The following GRID1 variants were observed in gnomAD, a reference collection of about 807,000 sequenced individuals.
The protein encoded by GRID1 is glutamate receptor ionotropic, delta-1.
In GRID1, 28 loss-of-function variants were observed where a neutral mutation model predicts 98.0. The observed-to-expected ratio is 0.29, with a 90% CI of 0.21 to 0.39. GRID1 has a LOEUF of 0.39. Among genes scored for constraint, GRID1 ranks in the 10% least tolerant of loss-of-function variants. The pLI, the probability that GRID1 is intolerant of heterozygous loss-of-function variation, is 1.00. For synonymous variants in GRID1, 553 were observed against 538.5 expected (o/e 1.03, Z -0.37); for missense variants, 1,111 against 1,340.5 (o/e 0.83, Z 2.67).
intron 4 of GRID1, among the ~76,000 whole-genome samples, chr10:85,977,711 G>C (rs1173744661): frequency 1.3e-5 from 2 of 152,100 alleles, no homozygotes. Flanking sequence ...TTACTGCCCT[G>C]GATTAGATCA....
intron 8 of GRID1, among the ~76,000 whole-genome samples, chr10:85,802,715 C>CA (rs36012086): frequency 2.7e-4 from 40 of 149,302 alleles, no homozygotes; most frequent in Admixed American, 6.0e-4. Flanking sequence ...AATAAATATA[C>CA]AAAAAAAAAC....
intron 4 of GRID1, among the ~76,000 whole-genome samples, chr10:86,030,561 G>A (rs1843172671): frequency 6.6e-6 from 1 of 152,206 alleles, no homozygotes; most frequent in Non-Finnish European, 1.5e-5. Flanking sequence ...GGGACCCTTA[G>A]ATCAACCCCA....
At chr10:85,642,906 G>T (rs761845529) in intron 13 of GRID1, among the ~76,000 whole-genome samples, 9 of 152,166 alleles carry the variant, frequency 5.9e-5, no homozygotes, top group South Asian at 2.1e-4. Flanking sequence ...TCATCTCCAG[G>T]TTTATTACCC....
intron 12 of GRID1, among the ~76,000 whole-genome samples, chr10:85,706,692 T>C (rs1001259293): frequency 2.6e-5 from 4 of 152,118 alleles, no homozygotes; most frequent in East Asian, 1.9e-4. Context: ...GGAGGCATCA[T>C]GCTACCTGAC....
At chr10:85,900,336 G>A (rs781615205) in intron 5 of GRID1, among the ~76,000 whole-genome samples, 2 of 152,204 alleles carry the variant, frequency 1.3e-5, no homozygotes, top group East Asian at 3.8e-4. Flanking sequence ...AGAAGGCACA[G>A]ATAATAGGGC....
intron 4 of GRID1, among the ~76,000 whole-genome samples, chr10:86,079,504 G>A (rs1005580173): frequency 6.6e-6 from 1 of 152,154 alleles, no homozygotes; most frequent in Non-Finnish European, 1.5e-5. Flanking sequence ...ACATCCATCA[G>A]ACCAGGAAGT....
chr10:85,882,264 C>T (rs1466220821), intron 5 of GRID1, among the ~76,000 whole-genome samples: 1 of 152,148 alleles, frequency 6.6e-6, no homozygotes, highest in Non-Finnish European at 1.5e-5. Flanking sequence ...CCAGCCATCC[C>T]ATTACTGGAT....
intron 3 of GRID1, among the ~76,000 whole-genome samples, chr10:86,175,291 CACTT>C (rs1481904398): frequency 6.6e-6 from 1 of 150,420 alleles, no homozygotes; most frequent in Non-Finnish European, 1.5e-5. Context: ...CTTTCTCACT[CACTT>C]ACTCCCAAAA....
intron 12 of GRID1, among the ~76,000 whole-genome samples, chr10:85,664,090 C>T (rs1188277682): frequency 6.6e-6 from 1 of 152,130 alleles, no homozygotes; most frequent in Non-Finnish European, 1.5e-5. Flanking sequence ...TGATGTGCAG[C>T]AGAGCATGAC....
intron 5 of GRID1, among the ~76,000 whole-genome samples, chr10:85,908,212 C>T (rs1841488919): frequency 6.6e-6 from 1 of 152,044 alleles, no homozygotes; most frequent in African/African-American, 2.4e-5. Context: ...TACAAGGTAT[C>T]CAGATGGAAA....
rs1190361965 is a variant in GRID1 at position 86,159,620 on chromosome 10, T to C, written c.521-20596A>G. On this transcript the variant is annotated intron_variant, in intron 3 of 15. Transcript: ENST00000327946. The stretch of plus-strand genomic sequence containing the variant: ...TCTCATTAAGCAATGCACAACTATA[T>C]TTCTGTTAGAGCTGGGCCAGAGCCT... 3.3e-5 allele frequency among the ~76,000 whole-genome samples: 5 copies of C among 152,216 alleles called. No individual in the cohort carries two copies. The East Asian group carries it at 5.8e-4, about 18-fold the overall frequency.
intron 4 of GRID1, among the ~76,000 whole-genome samples, chr10:86,089,060 C>A (rs766347805): frequency 6.6e-6 from 1 of 152,138 alleles, no homozygotes; most frequent in Non-Finnish European, 1.5e-5. Flanking sequence ...CAGCAAAGCC[C>A]GAGTGCAGAT....
intron 11 of GRID1, among the ~76,000 whole-genome samples, chr10:85,724,052 A>G (rs899312179): frequency 6.6e-6 from 1 of 152,206 alleles, no homozygotes; most frequent in African/African-American, 2.4e-5. Context: ...TGACAACCTC[A>G]TGTGCATAGC....
Position 85,769,365 on chromosome 10 carries a change from C to T in GRID1, c.1234-39751G>A, listed in dbSNP as rs570871175. 3.3e-5 allele frequency among the ~76,000 whole-genome samples: 5 copies of T among 152,320 alleles called. No individual in the cohort carries two copies. The South Asian group carries it at 6.2e-4, about 19-fold the overall frequency. ...TGGAGCCAAGATGGCTGAATAGGAACAGCTCCGGTCTACAGCTCCCAGCGT... is the reference window on the plus strand; with the variant it reads ...TGGAGCCAAGATGGCTGAATAGGAATAGCTCCGGTCTACAGCTCCCAGCGT... On this transcript the variant is annotated intron_variant, in intron 8 of 15. Transcript: ENST00000327946.
intron 4 of GRID1, among the ~76,000 whole-genome samples, chr10:86,080,081 C>T (rs1176527683): frequency 6.6e-6 from 1 of 152,068 alleles, no homozygotes; most frequent in Non-Finnish European, 1.5e-5. Flanking sequence ...CGCCTGTAAT[C>T]CCAGCACTTT....
intron 8 of GRID1, among the ~76,000 whole-genome samples, chr10:85,760,626 A>G (rs1018317123): frequency 2.6e-5 from 4 of 152,200 alleles, no homozygotes; most frequent in South Asian, 4.1e-4. Flanking sequence ...GGTCACACAC[A>G]CACAGTATTG....
intron 2 of GRID1, among the ~76,000 whole-genome samples, chr10:86,334,661 G>A (rs1848198976): frequency 6.6e-6 from 1 of 152,190 alleles, no homozygotes; most frequent in African/African-American, 2.4e-5. Context: ...TCTGTGCTGG[G>A]TTCTGGGGAC....
chr10:85,820,004 A>T (rs1842749141), intron 8 of GRID1, among the ~76,000 whole-genome samples: 1 of 118,936 alleles, frequency 8.4e-6, no homozygotes, highest in Non-Finnish European at 1.7e-5. Flanking sequence ...GAAGGAAGGA[A>T]GGAAGGAAGG....
At chr10:85,702,953 A>G (rs1841469506) in intron 12 of GRID1, among the ~76,000 whole-genome samples, 1 of 151,898 alleles carries the variant, frequency 6.6e-6, no homozygotes, top group African/African-American at 2.4e-5. Context: ...AAGAAGATGA[A>G]AAAATGAACC....
Sources: gnomAD v4.1 joint callset for allele counts (sites outside exome capture counted in the v4.1 genomes callset) on GRCh38, gnomAD v4.1.1 for gene constraint, MANE v1.5 for transcripts, NCBI Gene and HGNC (gene_info 2026-07-23, HGNC 2026-07-21) for gene names.